The following SGCD variants were observed in gnomAD, a reference collection of about 807,000 sequenced individuals.
SGCD encodes the protein sarcoglycan delta.
In SGCD, 18 loss-of-function variants were observed where a neutral mutation model predicts 36.6. The ratio of observed to expected loss-of-function variants is 0.49; its 90% CI spans 0.34 to 0.73. The LOEUF (loss-of-function observed/expected upper bound fraction) is 0.73, where lower values mean the gene tolerates loss of function less well. Among genes scored for constraint, SGCD ranks in the 30% least tolerant of loss-of-function variants. The pLI, the probability that SGCD is intolerant of heterozygous loss-of-function variation, is 0.01. For missense variants in SGCD, 387 were observed against 346.7 expected (o/e 1.12, Z -0.92); for synonymous variants, 133 against 130.6 (o/e 1.02, Z -0.12).
intron 1 of SGCD, among the ~76,000 whole-genome samples, chr5:156,090,904 T>C (rs1018809545): frequency 6.6e-6 from 1 of 152,216 alleles, no homozygotes; most frequent in African/African-American, 2.4e-5. Context: ...AAAATATGGC[T>C]GTATTCTTCC....
At chr5:156,289,481 C>A (rs918757077) in intron 3 of SGCD, among the ~76,000 whole-genome samples, 1 of 151,884 alleles carries the variant, frequency 6.6e-6, no homozygotes, top group African/African-American at 2.4e-5. Context: ...CCACAGGCCC[C>A]GTTGTGTGTT....
the SGCD span, among the ~76,000 whole-genome samples, chr5:155,863,188 G>C: frequency 4.6e-5 from 7 of 152,218 alleles, no homozygotes; most frequent in African/African-American, 1.7e-4. Context: ...GGGCATGGAC[G>C]CTCCATCCAG....
Position 156,643,040 on chromosome 5 carries a change from G to GTT in SGCD, c.503-4416_503-4415dup, listed in dbSNP as rs11407627. 1.5e-3 allele frequency among the ~76,000 whole-genome samples: 208 copies of GTT among 141,114 alleles called. 2 individuals carry two copies. The highest frequency in any genetic ancestry group is 3.7e-3 in the Middle Eastern group (1 of 268). The allele number at this position is 141,114 out of a possible 152,430, so 92.6% of individuals were successfully genotyped here. ...GGGTTTTTTGTTTTTTTTTTTGTTT[G>GTT]TTTTTTTTTGAAACGGAGTTTCACC... On this transcript the variant is annotated intron_variant, in intron 6 of 8. Transcript: ENST00000337851.
chr5:155,903,637 C>G (rs1756439024), intron 1 of SGCD, among the ~76,000 whole-genome samples: 1 of 152,158 alleles, frequency 6.6e-6, no homozygotes, highest in Admixed American at 6.6e-5. Context: ...AAAAATACAC[C>G]TCTTCTTTGA....
chr5:156,307,555 G>GTTGTT (rs1188757705), intron 3 of SGCD, among the ~76,000 whole-genome samples: 25 of 41,122 alleles, frequency 6.1e-4, no homozygotes, highest in South Asian at 9.9e-4. Flanking sequence ...TTTAACTGTT[G>GTTGTT]TTTTTTTTTT....
At chr5:155,839,906 T>A in the SGCD span, among the ~76,000 whole-genome samples, 1 of 151,848 alleles carries the variant, frequency 6.6e-6, no homozygotes, top group Admixed American at 6.6e-5. Flanking sequence ...GATTCAGGAT[T>A]TCCGCCCAGC....
chr5:155,784,111 T>C, the SGCD span, among the ~76,000 whole-genome samples: 2 of 152,188 alleles, frequency 1.3e-5, no homozygotes, highest in Non-Finnish European at 2.9e-5. Flanking sequence ...GATGAGGCCA[T>C]ATGCCACGTA....
intron 1 of SGCD, among the ~76,000 whole-genome samples, chr5:156,007,637 G>T (rs1167464806): frequency 6.6e-6 from 1 of 152,178 alleles, no homozygotes; most frequent in African/African-American, 2.4e-5. Context: ...CCAGAGTAGG[G>T]CTCTGGGGGT....
intron 1 of SGCD, among the ~76,000 whole-genome samples, chr5:156,102,862 C>T (rs1761553163): frequency 6.6e-6 from 1 of 152,154 alleles, no homozygotes; most frequent in Admixed American, 6.5e-5. Flanking sequence ...TACATACACA[C>T]TATATAAATA....
chr5:156,232,085 C>T (rs534730996), intron 3 of SGCD, among the ~76,000 whole-genome samples: 1 of 152,258 alleles, frequency 6.6e-6, no homozygotes, highest in South Asian at 2.1e-4. Flanking sequence ...TCAAGTGATT[C>T]TATCAAGGAA....
At chr5:156,587,592 A>G (rs1030577289) in intron 4 of SGCD, among the ~76,000 whole-genome samples, 1 of 152,216 alleles carries the variant, frequency 6.6e-6, no homozygotes, top group Non-Finnish European at 1.5e-5. Flanking sequence ...TGCCATGTGC[A>G]GGTGACTGGA....
At chr5:155,738,509 C>T in the SGCD span, among the ~76,000 whole-genome samples, 1 of 152,108 alleles carries the variant, frequency 6.6e-6, no homozygotes, top group Non-Finnish European at 1.5e-5. Flanking sequence ...ATTGAGCTGC[C>T]TCATTATTTT....
the SGCD span, among the ~76,000 whole-genome samples, chr5:155,834,067 G>A: frequency 6.6e-6 from 1 of 152,136 alleles, no homozygotes; most frequent in Non-Finnish European, 1.5e-5. Flanking sequence ...TTAAAGGCCG[G>A]CCCAAATGCC....
At chr5:155,796,527 G>T in the SGCD span, among the ~76,000 whole-genome samples, 1 of 151,746 alleles carries the variant, frequency 6.6e-6, no homozygotes, top group Non-Finnish European at 1.5e-5. Context: ...GATTCGGCCG[G>T]GCGCGGTGGC....
At chr5:155,804,942 A>C in the SGCD span, among the ~76,000 whole-genome samples, 1 of 152,150 alleles carries the variant, frequency 6.6e-6, no homozygotes, top group African/African-American at 2.4e-5. Flanking sequence ...TGTGCTACCC[A>C]ATAGAACTTT....
At chr5:156,084,489 C>T (rs73813230) in intron 1 of SGCD, among the ~76,000 whole-genome samples, 1,865 of 152,206 alleles carry the variant, frequency 0.012, 58 homozygotes, top group African/African-American at 0.043. Context: ...TGCTTAGCTC[C>T]CGAAATCATA....
rs552502724 is a variant in SGCD, at chr5:156,712,381, G to T, written c.576-45200G>T. Among the ~76,000 whole-genome samples, 50 of 152,304 alleles carry T rather than the reference G, an allele frequency of 3.3e-4. No individual in the cohort carries two copies. The South Asian group carries it at 1.0e-2, about 30-fold the overall frequency. ...TGTTCAAATGAGCTGTTGGTATAGA[G>T]AGTGTTGTGGCAGTCACAAAACACT... On this transcript the variant is annotated intron_variant, in intron 7 of 8. Transcript: ENST00000337851.
the SGCD span, among the ~76,000 whole-genome samples, chr5:155,823,173 T>C: frequency 6.6e-6 from 1 of 152,024 alleles, no homozygotes; most frequent in Non-Finnish European, 1.5e-5. Flanking sequence ...ATGAGGAATA[T>C]GTTCTTGTGA....
intron 1 of SGCD, among the ~76,000 whole-genome samples, chr5:155,984,971 G>A (rs1028293161): frequency 2.0e-5 from 3 of 152,202 alleles, no homozygotes; most frequent in Admixed American, 2.0e-4. Context: ...TTACCACTAT[G>A]CACCTGAGTG....
Sources: gnomAD v4.1 joint callset for allele counts (sites outside exome capture counted in the v4.1 genomes callset) on GRCh38, gnomAD v4.1.1 for gene constraint, MANE v1.5 for transcripts, NCBI Gene and HGNC (gene_info 2026-07-23, HGNC 2026-07-21) for gene names.